NCOR2: variants seen among roughly 807,000 people sequenced by gnomAD.
NCOR2 encodes the protein nuclear receptor corepressor 2.
NCOR2 carries 81 observed loss-of-function variants against 262.9 expected under a neutral mutation model. That is an observed-to-expected ratio of 0.31 (90% CI 0.26 to 0.37). The LOEUF is 0.37. NCOR2 is among the 10% of genes least tolerant of loss of function. The pLI is 1.00. For missense variants in NCOR2, 3,385 were observed against 3,621.4 expected (o/e 0.93, Z 1.68); for synonymous variants, 1,659 against 1,559.3 (o/e 1.06, Z -1.51).
intron 16 of NCOR2, among the ~76,000 whole-genome samples, chr12:124,394,094 C>T (rs1469452109): frequency 6.6e-6 from 1 of 152,266 alleles, no homozygotes; most frequent in African/African-American, 2.4e-5. Context: ...TGCTCAGGGT[C>T]AGACTCTGCA....
intron 13 of NCOR2, among the ~76,000 whole-genome samples, chr12:124,404,662 C>A (rs999450639): frequency 1.3e-5 from 2 of 152,244 alleles, no homozygotes; most frequent in Non-Finnish European, 2.9e-5. Context: ...GCCTTCCCCA[C>A]CGCAGCTCTC....
intron 1 of NCOR2, among the ~76,000 whole-genome samples, chr12:124,490,772 G>C (rs1208311654): frequency 6.6e-6 from 1 of 152,170 alleles, no homozygotes; most frequent in Non-Finnish European, 1.5e-5. Context: ...TCCACCAAAG[G>C]TCTGCAACGT....
intron 41 of NCOR2, among the ~76,000 whole-genome samples, chr12:124,333,703 A>C (rs1273742475): frequency 6.6e-6 from 1 of 151,182 alleles, no homozygotes; most frequent in Non-Finnish European, 1.5e-5. Flanking sequence ...CCTGGAGCTC[A>C]GGGCCCTCCC....
chr12:124,344,066 C>T (rs959959032), intron 32 of NCOR2, among the ~76,000 whole-genome samples: 1 of 152,146 alleles, frequency 6.6e-6, no homozygotes, highest in Non-Finnish European at 1.5e-5. Flanking sequence ...ATCTGGAAGG[C>T]GGGGACATGG....
chr12:124,336,617 G>A, intron 38 of NCOR2, 136 bp downstream of exon 40: 1 of 1,475,124 alleles, frequency 6.8e-7, no homozygotes, highest in Middle Eastern at 2.6e-4. Flanking sequence ...GAGACGGGGT[G>A]GGTGCGGGCC....
chr12:124,408,616 G>A (rs1466919141), intron 13 of NCOR2, among the ~76,000 whole-genome samples: 5 of 151,956 alleles, frequency 3.3e-5, no homozygotes, highest in African/African-American at 4.8e-5. Flanking sequence ...TAATTAGGTG[G>A]TGCATCCCTG....
chr12:124,428,981 C>T (rs2043755097), intron 10 of NCOR2, among the ~76,000 whole-genome samples: 1 of 152,228 alleles, frequency 6.6e-6, no homozygotes, highest in African/African-American at 2.4e-5. Flanking sequence ...AAAAGGCTGC[C>T]TCTCTGCTTC....
chr12:124,543,297 A>G (rs1201139262), intron 1 of NCOR2, among the ~76,000 whole-genome samples: 1 of 152,248 alleles, frequency 6.6e-6, no homozygotes, highest in East Asian at 1.9e-4. Flanking sequence ...GGAAGGCTGC[A>G]CTGACACCGG....
intron 4 of NCOR2, among the ~76,000 whole-genome samples, chr12:124,470,493 G>A (rs1269691573): frequency 2.6e-5 from 4 of 152,154 alleles, no homozygotes; most frequent in African/African-American, 4.8e-5. Context: ...TCCATACAAC[G>A]GAATATGTTT....
chr12:124,358,811 C>T (rs2038238196), intron 22 of NCOR2, among the ~76,000 whole-genome samples: 1 of 152,198 alleles, frequency 6.6e-6, no homozygotes, highest in Non-Finnish European at 1.5e-5. Flanking sequence ...TCTCAGGGCT[C>T]CACGGCTGAC....
intron 37 of NCOR2, 102 bp downstream of exon 39, chr12:124,339,904 C>CACCTCCCCTAT: frequency 1.3e-6 from 1 of 776,828 alleles, no homozygotes; most frequent in South Asian, 1.8e-5. Context: ...CCCACCCACC[C>CACCTCCCCTAT]ACCTCCCATA....
At chr12:124,331,969 A>G (rs2035240109) in intron 43 of NCOR2, 1 of 263,972 alleles carries the variant, frequency 3.8e-6, no homozygotes, top group South Asian at 5.5e-5. Flanking sequence ...CAACCACGTC[A>G]ATGGGTGCAA....
At chr12:124,346,444 T>G (rs1425710020) in intron 31 of NCOR2, 120 bp downstream of exon 33, 1 of 1,120,608 alleles carries the variant, frequency 8.9e-7, no homozygotes, top group Non-Finnish European at 1.2e-6. Context: ...GCTGGGTGAC[T>G]GTAAGGTACG....
intron 1 of NCOR2, among the ~76,000 whole-genome samples, chr12:124,516,614 C>T (rs1212552334): frequency 6.6e-6 from 1 of 152,142 alleles, no homozygotes; most frequent in Non-Finnish European, 1.5e-5. Context: ...TCTCCCGAGA[C>T]ACACCGGCAG....
intron 4 of NCOR2, 24 bp downstream of exon 6, chr12:124,472,928 C>G: frequency 1.2e-6 from 2 of 1,612,600 alleles, no homozygotes; most frequent in South Asian, 1.1e-5. Flanking sequence ...AACAAACACT[C>G]CCCCTCCCCC....
chr12:124,532,905 C>A (rs1452345484), intron 1 of NCOR2, among the ~76,000 whole-genome samples: 1 of 144,128 alleles, frequency 6.9e-6, no homozygotes, highest in Non-Finnish European at 1.5e-5. Flanking sequence ...CTCTTTCCCC[C>A]CTCCCTCCAA....
intron 30 of NCOR2, 76 bp from the exon 33 acceptor site, chr12:124,346,926 T>C: frequency 1.4e-6 from 2 of 1,392,814 alleles, no homozygotes; most frequent in South Asian, 3.2e-5. Flanking sequence ...CAGTGGGTTC[T>C]GGAGCTAGTC....
intron 38 of NCOR2, chr12:124,335,915 T>C (rs903299312): frequency 2.3e-6 from 1 of 437,312 alleles, no homozygotes; most frequent in Non-Finnish European, 4.1e-6. Context: ...TGGGTTCAGG[T>C]GGTGGAGGCC....
Position 124,486,476 on chromosome 12 carries a change from G to A in NCOR2, c.198C>T (p.Pro66=), listed in dbSNP as rs186081475. 9,973 of 1,612,312 alleles carry A rather than the reference G, an allele frequency of 6.2e-3. 54 individuals are homozygous for A. Among genetic ancestry groups the A allele is most frequent in the Admixed American group, 7.7e-3 (461 of 59,828 alleles). Residue 66 remains proline (P), a synonymous_variant, in exon 2 of 47, where the codon CCC becomes CCT. Transcript: ENST00000405201. ...CGGGCTGGAACTCAGACAGCAGGGAGGGCCTCCGCCGCTGGGGCTGGATGA... is the reference window on the plus strand; with the variant it reads ...CGGGCTGGAACTCAGACAGCAGGGAAGGCCTCCGCCGCTGGGGCTGGATGA...
Sources: allele counts gnomAD v4.1 joint callset (sites outside exome capture counted in the v4.1 genomes callset), GRCh38; gene constraint gnomAD v4.1.1; transcripts MANE v1.5; gene names NCBI Gene and HGNC (gene_info 2026-07-23, HGNC 2026-07-21).